CERS4: variants seen among roughly 807,000 people sequenced by gnomAD.
CERS4 encodes LAG1 homolog, ceramide synthase 4.
A neutral mutation model predicts 51.8 loss-of-function variants in CERS4; 65 were observed. That is an observed-to-expected ratio of 1.26 (90% CI 1.03 to 1.54). The LOEUF is 1.54. CERS4 is among the 40% of genes most tolerant of loss of function. The probability of loss-of-function intolerance (pLI) is 0.00; values close to 1 mark genes in which losing one functional copy is unlikely to be tolerated. For missense variants in CERS4, 563 were observed against 500.4 expected, an observed-to-expected ratio of 1.13 and a Z score of -1.19; for synonymous variants, 228 against 208.4, an observed-to-expected ratio of 1.09 and a Z score of -0.81.
chr19:8,248,483 GATGA>G (rs962990328), intron 2 of CERS4, among the ~76,000 whole-genome samples: 8 of 152,058 alleles, frequency 5.3e-5, no homozygotes, highest in African/African-American at 1.9e-4. Context: ...ACAGATGGAT[GATGA>G]ATGGATGGAT....
intron 10 of CERS4, chr19:8,261,379 T>G (rs987283838): frequency 1.4e-5 from 5 of 364,606 alleles, no homozygotes; most frequent in African/African-American, 6.2e-5. Flanking sequence ...GATGGGGGTC[T>G]GAGGAGTAGA....
intron 2 of CERS4, among the ~76,000 whole-genome samples, chr19:8,231,864 T>TTC: frequency 6.8e-6 from 1 of 147,498 alleles, no homozygotes; most frequent in South Asian, 2.2e-4. Flanking sequence ...TTTTTTTTTT[T>TTC]TTTTTTTTTA....
At chr19:8,222,186 A>ATT in intron 2 of CERS4, 1 of 136,758 alleles carries the variant, frequency 7.3e-6, no homozygotes, top group Non-Finnish European at 1.6e-5. Context: ...GGCCCTATTT[A>ATT]TTTTTTTTTG....
At position 8,251,105 on chromosome 19, in the gene CERS4, G is replaced by A. The variant is rs1969054206; in HGVS notation, c.29G>A (p.Trp10Ter). Residue 10 changes from tryptophan (W) to a stop codon, truncating the protein, a stop_gained, in exon 3 of 12, where the codon TGG becomes TAG. Coordinates refer to ENST00000251363, the MANE Select transcript of CERS4 (RefSeq NM_024552.3). LOFTEE classifies it high-confidence loss of function. The part of the protein sequence containing the change: MLSSFNEWF[W>*]QDRFWLPPNV... ...CTGTCCAGTTTCAACGAGTGGTTTTGGCAGGACAGGTTCTGGTTACCACCC... is the reference window on the plus strand; with the variant it reads ...CTGTCCAGTTTCAACGAGTGGTTTTAGCAGGACAGGTTCTGGTTACCACCC... The A allele has an allele frequency of 1.2e-6, 2 of 1,608,018 alleles. No homozygotes were observed. Among genetic ancestry groups the A allele is most frequent in the Non-Finnish European group, 1.7e-6 (2 of 1,177,696 alleles).
chr19:8,255,178 G>A (rs186165352), intron 4 of CERS4, among the ~76,000 whole-genome samples: 7 of 152,200 alleles, frequency 4.6e-5, no homozygotes, highest in East Asian at 3.9e-4. Flanking sequence ...CCCTAGAGGC[G>A]ACAGGGCAGC....
rs1014305978 is a variant in CERS4 at position 8,245,000 on chromosome 19, C to T, written c.-1-6076C>T. Among the ~76,000 whole-genome samples, 12 of 151,532 alleles carry T rather than the reference C, an allele frequency of 7.9e-5. No individual in the cohort carries two copies. In the East Asian group the frequency reaches 1.2e-3, roughly 15 times the overall value. Reference sequence around the variant, plus strand: ...TCTACTAAAAATACAAAAAATTAGCCGGGCGTAGTGGCGGGCACCTGTAGT... The same window carrying T: ...TCTACTAAAAATACAAAAAATTAGCTGGGCGTAGTGGCGGGCACCTGTAGT... On this transcript the variant is annotated intron_variant, in intron 2 of 11. Coordinates refer to ENST00000251363, the MANE Select transcript of CERS4 (RefSeq NM_024552.3).
intron 10 of CERS4, among the ~76,000 whole-genome samples, chr19:8,259,496 G>A (rs894640203): frequency 1.3e-5 from 2 of 152,130 alleles, no homozygotes; most frequent in East Asian, 3.9e-4. Flanking sequence ...GTTATAAGCA[G>A]AGGGATTCAA....
chr19:8,249,449 A>G (rs1968958470), intron 2 of CERS4, among the ~76,000 whole-genome samples: 1 of 151,936 alleles, frequency 6.6e-6, no homozygotes, highest in East Asian at 1.9e-4. Context: ...CCGCCACTCC[A>G]TTATCAGGCA....
At position 8,259,265 on chromosome 19, in the gene CERS4, T is replaced by C. The variant is rs140100109; in HGVS notation, c.848+1280T>C. The stretch of plus-strand genomic sequence containing the variant: ...GAGGGAGGTGAGGGACAGAACCACG[T>C]TGATCAGAGGGGAAGTGTGTTCCAG... On this transcript the variant is annotated intron_variant, in intron 10 of 11. Transcript: ENST00000251363. Among the ~76,000 whole-genome samples, 533 of 151,810 alleles carry C rather than the reference T, an allele frequency of 3.5e-3. 4 individuals carry two copies. Among genetic ancestry groups the C allele is most frequent in the African/African-American group, 0.01 (421 of 41,388 alleles).
chr19:8,240,064 C>T (rs1250726443), intron 2 of CERS4, among the ~76,000 whole-genome samples: 2 of 152,076 alleles, frequency 1.3e-5, no homozygotes, highest in African/African-American at 4.8e-5. Context: ...GAGAAGTCTT[C>T]TTGGAGGAGG....
In CERS4 at chr19:8,235,343, G is replaced by A. The variant is rs1226749267; in HGVS notation, c.-1-15733G>A. Among the ~76,000 whole-genome samples the A allele has an allele frequency of 2.0e-5, 3 of 151,368 alleles. No individual in the cohort carries two copies. In the East Asian group the frequency reaches 5.9e-4, roughly 30 times the overall value. On this transcript the variant is annotated intron_variant, in intron 2 of 11. Coordinates refer to ENST00000251363, the MANE Select transcript of CERS4 (RefSeq NM_024552.3). ...AGGTTTCACTATGTTGGTCAGGCTAGTCTCAAACTCCTGACCTCAGGTGAT... is the reference window on the plus strand; with the variant it reads ...AGGTTTCACTATGTTGGTCAGGCTAATCTCAAACTCCTGACCTCAGGTGAT...
chr19:8,209,564 C>T (rs2145142137), intron 1 of CERS4, 70 bp downstream of exon 1: 1 of 152,404 alleles, frequency 6.6e-6, no homozygotes, highest in Non-Finnish European at 1.5e-5. Flanking sequence ...GGCCCCGCCT[C>T]CGCGGCCATG....
intron 2 of CERS4, among the ~76,000 whole-genome samples, chr19:8,237,846 G>A (rs983329198): frequency 2.6e-5 from 4 of 152,124 alleles, no homozygotes; most frequent in Non-Finnish European, 4.4e-5. Context: ...GCGAGACTCC[G>A]TGTCAAAACA....
rs1473266112 is a variant in CERS4 at position 8,256,807 on chromosome 19, C to T, written c.612+97C>T. On this transcript the variant is annotated intron_variant, in intron 8 of 11. Transcript: ENST00000251363. ...CTTACAACCGCACCTTGAGAGCTCC[C>T]TGGTGCCTCCTGCAGGAGATATAGA... 14 of 1,567,372 alleles carry T rather than the reference C, an allele frequency of 8.9e-6. No homozygotes were observed. The Admixed American group carries it at 1.3e-4, about 14-fold the overall frequency.
chr19:8,261,633 TG>T, intron 10 of CERS4, 54 bp from the exon 11 acceptor site: 1 of 1,603,776 alleles, frequency 6.2e-7, no homozygotes, highest in South Asian at 1.1e-5. Flanking sequence ...TTCTTAGGAC[TG>T]GGGGCTACAG....
chr19:8,254,549 G>A lies in CERS4; in HGVS notation c.224G>A (p.Arg75Lys). 1 of 1,613,796 alleles carries A rather than the reference G, an allele frequency of 6.2e-7. No individual in the cohort carries two copies. Among genetic ancestry groups the A allele is most frequent in the Non-Finnish European group, 8.5e-7 (1 of 1,179,960 alleles). ...TGGCTGGGTGTGAGGGATCAGACCA[G>A]GAGGCAAGTGAAGCCCAACGCCACG... Reference protein sequence around the residue: ...SRWLGVRDQTRRQVKPNATLE... With the variant: ...SRWLGVRDQTKRQVKPNATLE... Residue 75 changes from arginine to lysine, a missense_variant, in exon 4 of 12, where the codon AGG (arginine) becomes AAG (lysine). Arg to Lys is a conservative substitution (Grantham distance 26). Coordinates refer to ENST00000251363, the MANE Select transcript of CERS4 (RefSeq NM_024552.3).
intron 2 of CERS4, chr19:8,214,356 G>T (rs1967203091): frequency 6.6e-6 from 1 of 152,440 alleles, no homozygotes; most frequent in Non-Finnish European, 1.5e-5. Context: ...CGGAGCTGAT[G>T]TCCCCGCAGG....
chr19:8,260,832 T>G (rs1373088137), intron 10 of CERS4, among the ~76,000 whole-genome samples: 2 of 150,910 alleles, frequency 1.3e-5, no homozygotes, highest in East Asian at 3.9e-4. Flanking sequence ...GGGCCTATAA[T>G]CCCAGCTACT....
Position 8,261,803 on chromosome 19 carries a change from C to T in CERS4, c.964C>T (p.Leu322Phe). The change falls in exon 11 of 12, where the codon CTC becomes TTC. Residue 322 changes from leucine (L) to phenylalanine (F), a missense_variant. Physicochemically the swap from Leu to Phe is conservative, Grantham distance 22. Coordinates refer to ENST00000251363, the MANE Select transcript of CERS4 (RefSeq NM_024552.3). ...LQLLHVFWSC[L>F]ILRMLYSFMK... Reference sequence around the variant, plus strand: ...GCTGCTGCACGTGTTCTGGTCTTGCCTCATTCTGCGCATGCTCTATAGCTT... The same window carrying T: ...GCTGCTGCACGTGTTCTGGTCTTGCTTCATTCTGCGCATGCTCTATAGCTT... 6.2e-7 allele frequency: 1 copy of T among 1,614,156 alleles called. No individual in the cohort carries two copies.
Sources: allele counts gnomAD v4.1 joint callset (sites outside exome capture counted in the v4.1 genomes callset), GRCh38; gene constraint gnomAD v4.1.1; transcripts MANE v1.5; gene names NCBI Gene and HGNC (gene_info 2026-07-23, HGNC 2026-07-21).